Variants in SLC8A1 observed in about 807,000 individuals in gnomAD.
SLC8A1 encodes the protein sodium/calcium exchanger 1.
SLC8A1 carries 18 observed loss-of-function variants against 68.3 expected under a neutral mutation model. The observed-to-expected ratio is 0.26, with a 90% confidence interval of 0.18 to 0.39. The LOEUF is 0.39. SLC8A1 is among the 10% of genes least tolerant of loss of function. The probability of loss-of-function intolerance (pLI) is 1.00; values close to 1 mark genes in which losing one functional copy is unlikely to be tolerated. For missense variants in SLC8A1, 985 were observed against 1,156.7 expected, an observed-to-expected ratio of 0.85 and a Z score of 2.15; for synonymous variants, 475 against 415.5, an observed-to-expected ratio of 1.14 and a Z score of -1.74.
intron 2 of SLC8A1, among the ~76,000 whole-genome samples, chr2:40,350,317 A>G (rs1011986835): frequency 6.6e-6 from 1 of 152,022 alleles, no homozygotes; most frequent in East Asian, 1.9e-4. Flanking sequence ...CTCTGTCTCT[A>G]CAAAAATTTA....
chr2:40,101,880 G>C (rs2033912465), exon 8 of SLC8A1: 1 of 152,112 alleles, frequency 6.6e-6, no homozygotes, highest in Non-Finnish European at 1.5e-5. Context: ...GAAGTCTCAG[G>C]TGGGACTGGA....
chr2:40,392,433 G>A (rs1203515869), intron 2 of SLC8A1, among the ~76,000 whole-genome samples: 1 of 152,134 alleles, frequency 6.6e-6, no homozygotes, highest in East Asian at 1.9e-4. Flanking sequence ...GAAATATCTT[G>A]GGAAGTTTAG....
chr2:40,311,794 G>T (rs2073732654), intron 2 of SLC8A1, among the ~76,000 whole-genome samples: 2 of 151,848 alleles, frequency 1.3e-5, no homozygotes, highest in Admixed American at 1.3e-4. Flanking sequence ...TTTGAATATT[G>T]TGTTTGCAAG....
At chr2:40,463,573 A>G (rs971048502) in intron 1 of SLC8A1, among the ~76,000 whole-genome samples, 2 of 152,110 alleles carry the variant, frequency 1.3e-5, no homozygotes, top group Admixed American at 6.6e-5. Flanking sequence ...GGGAGAATTG[A>G]CAACTGGAAG....
chr2:40,399,469 C>T (rs944238817), intron 2 of SLC8A1, among the ~76,000 whole-genome samples: 4 of 152,228 alleles, frequency 2.6e-5, no homozygotes, highest in African/African-American at 7.2e-5. Flanking sequence ...TTCTCAAAAT[C>T]CTTGAAGGAG....
chr2:40,216,603 A>C (rs1241169352), intron 2 of SLC8A1, among the ~76,000 whole-genome samples: 1 of 152,172 alleles, frequency 6.6e-6, no homozygotes, highest in Non-Finnish European at 1.5e-5. Context: ...GGCTGAACTA[A>C]TTTAAATTCC....
chr2:40,277,542 GA>G (rs1172966782), intron 2 of SLC8A1, among the ~76,000 whole-genome samples: 1 of 150,314 alleles, frequency 6.7e-6, no homozygotes, highest in Non-Finnish European at 1.5e-5. Flanking sequence ...TCTGTCTCAA[GA>G]AAAAAAACCA....
chr2:40,328,574 TTTTTGTTC>T (rs1272683765), intron 2 of SLC8A1, among the ~76,000 whole-genome samples: 1 of 152,184 alleles, frequency 6.6e-6, no homozygotes, highest in Non-Finnish European at 1.5e-5. Flanking sequence ...TCAATTCTCA[TTTTTGTTC>T]GCATACATAC....
At position 40,280,385 on chromosome 2, in the gene SLC8A1, A is replaced by G. The variant is rs539632054; in HGVS notation, c.1809-102530T>C. ...AAAAACCCATTTTCTGAAAAGCCCC[A>G]CAGATAATTTTTCACATGAGTACAT... On this transcript the variant is annotated intron_variant, in intron 2 of 7. Coordinates refer to ENST00000406785, the Ensembl canonical transcript of SLC8A1. Among the ~76,000 whole-genome samples, 59 of 152,170 alleles carry G rather than the reference A, an allele frequency of 3.9e-4. No homozygotes were observed. The South Asian group carries it at 6.4e-3, about 17-fold the overall frequency.
At chr2:40,175,355 C>T in intron 3 of SLC8A1, 74 bp from the exon 4 acceptor site, 2 of 1,475,632 alleles carry the variant, frequency 1.4e-6, no homozygotes, top group Non-Finnish European at 1.9e-6. Flanking sequence ...GGAATATCAG[C>T]AGAAAGAAAT....
chr2:40,281,900 T>C (rs550265861), intron 2 of SLC8A1, among the ~76,000 whole-genome samples: 263 of 152,306 alleles, frequency 1.7e-3, no homozygotes, highest in African/African-American at 6.1e-3. Context: ...TTCACTTGAA[T>C]TTTGGGTGGA....
chr2:40,457,611 T>C (rs1046218017), intron 1 of SLC8A1, among the ~76,000 whole-genome samples: 1 of 152,240 alleles, frequency 6.6e-6, no homozygotes, highest in Admixed American at 6.5e-5. Flanking sequence ...TGCTCTCGTC[T>C]CTTTAAAAAT....
intron 4 of SLC8A1, 90 bp downstream of exon 7, chr2:40,170,191 G>A: frequency 8.9e-7 from 1 of 1,123,258 alleles, no homozygotes; most frequent in Non-Finnish European, 1.3e-6. Flanking sequence ...TTTTACAGAG[G>A]AGAGGGGCTA....
At chr2:40,387,055 C>CT (rs1683792266) in intron 2 of SLC8A1, among the ~76,000 whole-genome samples, 1 of 151,378 alleles carries the variant, frequency 6.6e-6, no homozygotes, top group Admixed American at 6.6e-5. Context: ...GCATAACAAC[C>CT]TTTATGAAGA....
upstream of SLC8A1, among the ~76,000 whole-genome samples, chr2:40,456,164 A>C (rs953085623): frequency 9.9e-5 from 15 of 151,960 alleles, no homozygotes; most frequent in African/African-American, 3.6e-4. Flanking sequence ...AAAATACAAA[A>C]AATTAGCCGG....
At position 40,182,511 on chromosome 2, in the gene SLC8A1, G is replaced by A. The variant is rs1372107598; in HGVS notation, c.1809-4656C>T. Among the ~76,000 whole-genome samples the A allele has an allele frequency of 5.9e-5, 9 of 152,044 alleles. No homozygotes were observed. The South Asian group carries it at 6.2e-4, about 11-fold the overall frequency. ...AAAAAAGAAAAAGAAAAAAACATTC[G>A]GTTAAGAAAGATCAATTTATTCAGT... On this transcript the variant is annotated intron_variant, in intron 2 of 7. Coordinates refer to ENST00000406785, the Ensembl canonical transcript of SLC8A1.
intron 2 of SLC8A1, among the ~76,000 whole-genome samples, chr2:40,396,636 T>G (rs1686981271): frequency 6.6e-6 from 1 of 151,332 alleles, no homozygotes; most frequent in African/African-American, 2.4e-5. Flanking sequence ...ATTAATTCAT[T>G]AAATATTTCT....
intron 2 of SLC8A1, among the ~76,000 whole-genome samples, chr2:40,371,011 C>T (rs1212125154): frequency 2.0e-5 from 3 of 152,008 alleles, no homozygotes; most frequent in East Asian, 1.9e-4. Flanking sequence ...TTTTCTGACT[C>T]GGGGTACCTA....
chr2:40,097,743 TTA>T (rs1188085577), exon 8 of SLC8A1: 1 of 152,026 alleles, frequency 6.6e-6, no homozygotes, highest in Non-Finnish European at 1.5e-5. Context: ...AAATCATTCA[TTA>T]ACAAAATGCA....
Sources: allele counts gnomAD v4.1 joint callset (sites outside exome capture counted in the v4.1 genomes callset), GRCh38; gene constraint gnomAD v4.1.1; transcripts MANE v1.5; gene names NCBI Gene and HGNC (gene_info 2026-07-23, HGNC 2026-07-21).